Variants in PCDH7 observed in about 807,000 individuals in gnomAD.
PCDH7 encodes protocadherin-7.
Under a neutral mutation model 58.9 loss-of-function variants are expected in PCDH7, and 17 were observed. The observed-to-expected ratio is 0.29, with a 90% CI of 0.20 to 0.43. The LOEUF is 0.43. PCDH7 is among the 20% of genes least tolerant of loss of function. The pLI, the probability that PCDH7 is intolerant of heterozygous loss-of-function variation, is 1.00. For synonymous variants in PCDH7, 664 were observed against 616.4 expected (o/e 1.08, Z -1.14); for missense variants, 1,274 against 1,441.0 (o/e 0.88, Z 1.88).
intron 3 of PCDH7, among the ~76,000 whole-genome samples, chr4:31,055,007 G>A (rs534279323): frequency 1.4e-4 from 21 of 151,966 alleles, no homozygotes; most frequent in African/African-American, 4.1e-4. Context: ...CTTTTTTATA[G>A]CATTACCTCT....
intron 2 of PCDH7, among the ~76,000 whole-genome samples, chr4:30,944,690 A>G (rs994665900): frequency 6.6e-6 from 1 of 152,244 alleles, no homozygotes; most frequent in Non-Finnish European, 1.5e-5. Flanking sequence ...AGTCAGGAAG[A>G]TAATGAGCAA....
At chr4:30,843,473 C>T (rs1474784510) in intron 1 of PCDH7, among the ~76,000 whole-genome samples, 8 of 152,204 alleles carry the variant, frequency 5.3e-5, no homozygotes, top group East Asian at 1.9e-4. Context: ...GGATTACAGG[C>T]GTGAGCCACT....
At chr4:31,044,796 A>T (rs4524343) in intron 3 of PCDH7, among the ~76,000 whole-genome samples, 95,600 of 151,762 alleles carry the variant, frequency 0.63, 32,480 homozygotes, top group African/African-American at 0.89. Flanking sequence ...GGAAAATAAA[A>T]ATAAGATTCA....
At chr4:30,964,231 T>G (rs1411635889) in intron 3 of PCDH7, among the ~76,000 whole-genome samples, 1 of 62,214 alleles carries the variant, frequency 1.6e-5, no homozygotes, top group South Asian at 4.7e-4. Flanking sequence ...GTTTTATTTA[T>G]TTATTTATTT....
intron 1 of PCDH7, among the ~76,000 whole-genome samples, chr4:30,792,721 T>C (rs1287321478): frequency 1.3e-5 from 2 of 152,150 alleles, no homozygotes; most frequent in East Asian, 3.9e-4. Context: ...CAGTAGGAGC[T>C]GAGGGGGATC....
intron 3 of PCDH7, among the ~76,000 whole-genome samples, chr4:31,084,748 G>A (rs1196221310): frequency 3.2e-4 from 33 of 104,050 alleles, no homozygotes; most frequent in African/African-American, 9.4e-4. Flanking sequence ...GGGGATGAGG[G>A]AGGGGAGGGG....
Position 31,008,071 on chromosome 4 carries a change from C to T in PCDH7, c.*7+57856C>T, listed in dbSNP as rs192987445. Among the ~76,000 whole-genome samples, 426 of 152,154 alleles carry T rather than the reference C, an allele frequency of 2.8e-3. 3 individuals are homozygous for T. Among genetic ancestry groups the T allele is most frequent in the Non-Finnish European group, 3.1e-3 (214 of 68,020 alleles). On this transcript the variant is annotated intron_variant, in intron 3 of 3. Coordinates refer to the PCDH7 transcript ENST00000509759. ...ATAAACAGAAACAGTCAGAAAATTA[C>T]TTCTGGGAGATGGCAGATGATGAGA...
At chr4:31,088,675 C>T (rs551735421) in intron 3 of PCDH7, among the ~76,000 whole-genome samples, 41 of 152,038 alleles carry the variant, frequency 2.7e-4, no homozygotes, top group Non-Finnish European at 4.3e-4. Flanking sequence ...TGCCTAAAAA[C>T]ATTATTGCTG....
intron 3 of PCDH7, among the ~76,000 whole-genome samples, chr4:30,967,836 A>T (rs1265303956): frequency 3.3e-5 from 5 of 152,096 alleles, no homozygotes; most frequent in Non-Finnish European, 7.4e-5. Flanking sequence ...AAGACAAATC[A>T]TTGCCAACTT....
At chr4:30,862,271 A>C (rs528026953) in intron 1 of PCDH7, among the ~76,000 whole-genome samples, 1 of 152,352 alleles carries the variant, frequency 6.6e-6, no homozygotes, top group East Asian at 1.9e-4. Context: ...GGTGCTCTCC[A>C]GGAATTTCAG....
intron 1 of PCDH7, among the ~76,000 whole-genome samples, chr4:30,730,354 A>C (rs533785252): frequency 6.6e-6 from 1 of 152,210 alleles, no homozygotes; most frequent in South Asian, 2.1e-4. Context: ...GCGGTACATT[A>C]CACTGTGCTT....
chr4:31,078,994 CTG>C (rs1439524900), intron 3 of PCDH7, among the ~76,000 whole-genome samples: 1 of 151,702 alleles, frequency 6.6e-6, no homozygotes, highest in African/African-American at 2.4e-5. Context: ...ATAAATGAAT[CTG>C]TGATAATTGG....
intron 3 of PCDH7, among the ~76,000 whole-genome samples, chr4:30,985,865 T>G (rs1750921854): frequency 6.6e-6 from 1 of 152,158 alleles, no homozygotes; most frequent in Non-Finnish European, 1.5e-5. Flanking sequence ...ATTTTAAATA[T>G]TCCATTGTCT....
intron 3 of PCDH7, among the ~76,000 whole-genome samples, chr4:31,024,632 A>AT (rs1164104181): frequency 2.6e-5 from 4 of 152,124 alleles, no homozygotes; most frequent in Non-Finnish European, 4.4e-5. Context: ...TTCTCAAAGC[A>AT]TTTTTTTCTT....
chr4:31,067,750 C>T (rs937263776), intron 3 of PCDH7, among the ~76,000 whole-genome samples: 45 of 151,934 alleles, frequency 3.0e-4, no homozygotes, highest in African/African-American at 1.1e-3. Context: ...TTCAGCAGAA[C>T]AAACAAGCTT....
chr4:31,051,750 A>G (rs1409557657), intron 3 of PCDH7, among the ~76,000 whole-genome samples: 1 of 150,252 alleles, frequency 6.7e-6, no homozygotes, highest in Non-Finnish European at 1.5e-5. Flanking sequence ...CAGGTATGCA[A>G]TCTTCTGTAG....
intron 3 of PCDH7, among the ~76,000 whole-genome samples, chr4:31,051,919 A>G (rs1481792918): frequency 6.6e-6 from 1 of 152,006 alleles, no homozygotes; most frequent in Non-Finnish European, 1.5e-5. Flanking sequence ...ATTTTGTGAT[A>G]TTTATCCTTG....
chr4:30,821,569 A>T (rs1187164172), intron 1 of PCDH7, among the ~76,000 whole-genome samples: 1 of 152,140 alleles, frequency 6.6e-6, no homozygotes, highest in Non-Finnish European at 1.5e-5. Context: ...TGTGCTTAAG[A>T]TTTCCCACCC....
intron 1 of PCDH7, among the ~76,000 whole-genome samples, chr4:30,807,517 C>A (rs770669806): frequency 6.6e-6 from 1 of 152,118 alleles, no homozygotes; most frequent in Non-Finnish European, 1.5e-5. Context: ...TAAAGAACTG[C>A]AATCATGAGC....
Sources: gnomAD v4.1 joint callset for allele counts (sites outside exome capture counted in the v4.1 genomes callset) on GRCh38, gnomAD v4.1.1 for gene constraint, MANE v1.5 for transcripts, NCBI Gene and HGNC (gene_info 2026-07-23, HGNC 2026-07-21) for gene names.